Variants in ZNF789 observed in about 807,000 individuals in gnomAD.
ZNF789 encodes zinc finger protein 789.
Under a neutral mutation model 15.6 loss-of-function variants are expected in ZNF789, and 11 were observed. The observed-to-expected ratio is 0.70, with a 90% CI of 0.44 to 1.16. The LOEUF (loss-of-function observed/expected upper bound fraction) is 1.16. Ranked by LOEUF, ZNF789 falls within the 50% of genes most tolerant of loss-of-function variation. The pLI is 0.00. For synonymous variants in ZNF789, 159 were observed against 176.0 expected (o/e 0.90, Z 0.76); for missense variants, 461 against 512.6 (o/e 0.90, Z 0.97).
chr7:99,476,279 A>G (rs915397480), intron 1 of ZNF789, 124 bp from the exon 2 acceptor site: 2 of 595,820 alleles, frequency 3.4e-6, no homozygotes, highest in East Asian at 3.2e-5. Context: ...ATGTTCCAAC[A>G]CCAAACACAG....
At chr7:99,483,603 G>A in intron 3 of ZNF789, 1 of 677,144 alleles carries the variant, frequency 1.5e-6, no homozygotes, top group Non-Finnish European at 2.7e-6. Context: ...CAGCCTGGGT[G>A]ACAGAGCAAG....
intron 3 of ZNF789, chr7:99,481,131 CATT>C (rs1215612447): frequency 4.6e-5 from 7 of 152,174 alleles, no homozygotes; most frequent in African/African-American, 1.7e-4. Flanking sequence ...TTAAATGTAA[CATT>C]ATTGTATCAG....
intron 1 of ZNF789, among the ~76,000 whole-genome samples, chr7:99,474,022 A>G (rs1182519983): frequency 6.6e-6 from 1 of 152,152 alleles, no homozygotes; most frequent in Non-Finnish European, 1.5e-5. Flanking sequence ...CTCAAGGGAG[A>G]AATCAATGTA....
rs572997881 is a variant in ZNF789, at chr7:99,482,305, A to C, written c.152-1725A>C. The stretch of plus-strand genomic sequence containing the variant: ...ATGAACATTGTTCAGGCTTTCAATA[A>C]AGACTGCCAGATATTTACAAAGATT... On this transcript the variant is annotated intron_variant, in intron 3 of 4. Transcript: ENST00000331410. 52 of 759,834 alleles carry C rather than the reference A, an allele frequency of 6.8e-5. No individual in the cohort carries two copies. In the South Asian group the frequency reaches 7.1e-4, roughly 10 times the overall value. The allele number at this position is 759,834 out of a possible 1,614,324, so 47.1% of individuals were successfully genotyped here.
Position 99,487,064 on chromosome 7 carries a change from A to T in ZNF789, c.854A>T (p.Tyr285Phe). ...AGGATTCACACCAAAGAAAAACCTT[A>T]TAAATGTAGCAAATGTGAAAAAACG... Reference protein sequence around the residue: ...HKRIHTKEKPYKCSKCEKTFS... With the variant: ...HKRIHTKEKPFKCSKCEKTFS... Residue 285 changes from tyrosine (Y) to phenylalanine (F), a missense_variant, in exon 5 of 5, where the codon TAT (tyrosine) becomes TTT (phenylalanine). Transcript: ENST00000331410. The T allele has an allele frequency of 6.2e-7, 1 of 1,614,172 alleles. No individual in the cohort carries two copies. The highest frequency in any genetic ancestry group is 8.5e-7 in the Non-Finnish European group (1 of 1,180,042).
At chr7:99,476,061 C>T (rs1799319866) in intron 1 of ZNF789, among the ~76,000 whole-genome samples, 1 of 152,068 alleles carries the variant, frequency 6.6e-6, no homozygotes. Context: ...CCTCAGCCTC[C>T]CAAAGTGCTG....
In ZNF789 at chr7:99,487,224, G is replaced by C; in HGVS notation, c.1014G>C (p.Pro338=). The change falls in exon 5 of 5, where the codon CCG becomes CCC. Residue 338 remains proline, a synonymous_variant. Transcript: ENST00000331410. ...GTCATCAACAGATTCACAGTAAACC[G>C]AACACCCATAAATGCAGTGAATGTG... ...LLCHQQIHSK[P]NTHKCSECGQ... 6.2e-7 allele frequency: 1 copy of C among 1,614,134 alleles called. No homozygotes were observed. Among genetic ancestry groups the C allele is most frequent in the African/African-American group, 1.3e-5 (1 of 75,018 alleles).
intron 3 of ZNF789, chr7:99,482,171 C>T (rs534387550): frequency 6.4e-6 from 5 of 779,208 alleles, no homozygotes; most frequent in Admixed American, 5.1e-5. Flanking sequence ...AGTTTATTTC[C>T]AGTTTGATGC....
chr7:99,481,532 A>G (rs914362638), intron 3 of ZNF789: 2 of 152,390 alleles, frequency 1.3e-5, no homozygotes, highest in African/African-American at 4.8e-5. Flanking sequence ...ATCTCAGCTC[A>G]CCACAACCTC....
At chr7:99,480,000 T>C in intron 3 of ZNF789, 1 of 601,940 alleles carries the variant, frequency 1.7e-6, no homozygotes, top group Non-Finnish European at 2.7e-6. Flanking sequence ...TTTTTCCAAC[T>C]TGGTGTGCAT....
intron 2 of ZNF789, chr7:99,478,410 A>G: frequency 7.9e-7 from 1 of 1,269,254 alleles, no homozygotes; most frequent in Non-Finnish European, 1.0e-6. Flanking sequence ...TAGGCAGGAA[A>G]GAAAGTCCGT....
chr7:99,482,665 A>AG (rs1170131445), intron 3 of ZNF789, among the ~76,000 whole-genome samples: 1 of 150,308 alleles, frequency 6.7e-6, no homozygotes, highest in Admixed American at 6.7e-5. Context: ...GACCAGCCTG[A>AG]GCAACATGGA....
chr7:99,474,616 A>G (rs954805824), intron 1 of ZNF789, among the ~76,000 whole-genome samples: 2 of 151,270 alleles, frequency 1.3e-5, no homozygotes, highest in African/African-American at 4.9e-5. Context: ...AAGAAAGTTT[A>G]CGAATTTGTG....
intron 3 of ZNF789, chr7:99,483,707 G>C (rs760677983): frequency 5.3e-5 from 41 of 780,832 alleles, no homozygotes; most frequent in Non-Finnish European, 9.3e-5. Flanking sequence ...AATGTGCTAC[G>C]CTTGATTTAA....
chr7:99,476,312 T>C (rs924305785), intron 1 of ZNF789, 91 bp from the exon 2 acceptor site: 2 of 769,858 alleles, frequency 2.6e-6, no homozygotes, highest in Non-Finnish European at 2.0e-6. Flanking sequence ...AAGCTTTGTC[T>C]GTGTGCCCCG....
chr7:99,476,653 G>C (rs978220114), intron 2 of ZNF789, among the ~76,000 whole-genome samples, 173 bp downstream of exon 2: 1 of 152,158 alleles, frequency 6.6e-6, no homozygotes, highest in Non-Finnish European at 1.5e-5. Context: ...AAACACTCTG[G>C]CTCCAGTTTT....
chr7:99,482,259 G>A (rs775330248), intron 3 of ZNF789: 85 of 778,714 alleles, frequency 1.1e-4, no homozygotes, highest in Middle Eastern at 3.5e-4. Context: ...TTCTAAGAGC[G>A]AAATGACCAC....
intron 2 of ZNF789, among the ~76,000 whole-genome samples, chr7:99,477,067 G>A (rs1251038338): frequency 2.7e-5 from 4 of 150,894 alleles, no homozygotes; most frequent in Non-Finnish European, 4.4e-5. Context: ...TTTTTTTGAC[G>A]GAGTCTCACT....
At position 99,487,386 on chromosome 7, in the gene ZNF789, T is replaced by C. The variant is rs1339483917; in HGVS notation, c.1176T>C (p.Thr392=). Residue 392 remains threonine, a synonymous_variant, in exon 5 of 5, where the codon ACT becomes ACC. Transcript: ENST00000331410. ...TTTTTCGACATCAGGTCATTCACAC[T>C]GGAAGCCAACCCTACCAATGTGTCA... is the stretch of plus-strand genomic sequence containing the variant. ...RNLFRHQVIH[T]GSQPYQCVIC... is the part of the protein sequence containing the mutation. The C allele has an allele frequency of 1.9e-6, 3 of 1,614,132 alleles. No homozygotes were observed. The highest frequency in any genetic ancestry group is 3.3e-5 in the Admixed American group (2 of 59,996).
Sources: gnomAD v4.1 joint callset for allele counts (sites outside exome capture counted in the v4.1 genomes callset) on GRCh38, gnomAD v4.1.1 for gene constraint, MANE v1.5 for transcripts, NCBI Gene and HGNC (gene_info 2026-07-23, HGNC 2026-07-21) for gene names.